Variants in NRG1 observed in about 807,000 individuals in gnomAD.
NRG1 encodes pro-neuregulin-1, membrane-bound isoform.
Under a neutral mutation model 63.8 loss-of-function variants are expected in NRG1, and 18 were observed. The ratio of observed to expected loss-of-function variants is 0.28; its 90% CI spans 0.19 to 0.42. The LOEUF is 0.42. Ranked by LOEUF, NRG1 falls within the 10% of genes least tolerant of loss-of-function variation. The pLI is 1.00. For missense variants in NRG1, 762 were observed against 814.7 expected (o/e 0.94, Z 0.79); for synonymous variants, 302 against 301.3 (o/e 1.00, Z -0.02).
intron 1 of NRG1, among the ~76,000 whole-genome samples, chr8:32,192,629 G>A (rs1417614529): frequency 6.6e-6 from 1 of 151,860 alleles, no homozygotes; most frequent in African/African-American, 2.4e-5. Context: ...TAACTATTGG[G>A]TACCATGCTC....
intron 1 of NRG1, among the ~76,000 whole-genome samples, chr8:31,928,352 T>TAAA (rs77001238): frequency 0.015 from 1,168 of 80,096 alleles, 20 homozygotes; most frequent in South Asian, 0.074. Context: ...ATGGATGTGG[T>TAAA]AAAAAAAAAA....
intron 1 of NRG1, among the ~76,000 whole-genome samples, chr8:32,345,226 A>C (rs1262425364): frequency 6.6e-6 from 1 of 152,180 alleles, no homozygotes; most frequent in Non-Finnish European, 1.5e-5. Context: ...TCCATTGTGC[A>C]AGCACTTTAT....
intron 1 of NRG1, among the ~76,000 whole-genome samples, chr8:31,858,197 G>A (rs1828112798): frequency 6.6e-6 from 1 of 152,058 alleles, no homozygotes; most frequent in Non-Finnish European, 1.5e-5. Flanking sequence ...TACTCGGGAG[G>A]CTGAGGCAGG....
chr8:32,337,116 T>C (rs1803368888), intron 1 of NRG1, among the ~76,000 whole-genome samples: 1 of 152,178 alleles, frequency 6.6e-6, no homozygotes. Flanking sequence ...CTCAAAGCTA[T>C]CCTCCTGTCT....
In NRG1 at chr8:32,440,411, G is replaced by A. The variant is rs554185182; in HGVS notation, c.38-155417G>A. ...TGGGCTCAAGTGATCTGCCCACCTC[G>A]GCCTCCCAAAATGCTGGGATTACAG... On this transcript the variant is annotated intron_variant, in intron 1 of 10. Coordinates refer to the NRG1 transcript ENST00000519301. Among the ~76,000 whole-genome samples the A allele has an allele frequency of 6.4e-4, 97 of 152,040 alleles. 1 individual carries two copies. Among genetic ancestry groups the A allele is most frequent in the Non-Finnish European group, 1.1e-3 (72 of 67,980 alleles).
Position 32,548,640 on chromosome 8 carries a change from A to G in NRG1, c.-87A>G, listed in dbSNP as rs1833432869. 1.8e-5 allele frequency: 27 copies of G among 1,466,422 alleles called. No individual in the cohort carries two copies. In the Admixed American group the frequency reaches 3.3e-4, roughly 18 times the overall value. 90.8% of individuals were successfully genotyped at this position (1,466,422 alleles called of 1,614,324 possible). ...CCGCTCGCTCTCCCCCTCGAGGGAC[A>G]AACTTTTCCCAAACCCGATCCGAGC... On this transcript the variant is annotated 5_prime_UTR_variant, in exon 1 of 12. Transcript: ENST00000356819.
At chr8:31,769,119 C>T (rs1006937075) in intron 1 of NRG1, among the ~76,000 whole-genome samples, 1 of 152,104 alleles carries the variant, frequency 6.6e-6, no homozygotes, top group African/African-American at 2.4e-5. Flanking sequence ...TCATCTATTC[C>T]CCCCAATCAT....
At chr8:31,786,650 G>A (rs1321340345) in intron 1 of NRG1, among the ~76,000 whole-genome samples, 1 of 152,188 alleles carries the variant, frequency 6.6e-6, no homozygotes, top group Non-Finnish European at 1.5e-5. Context: ...GATTAAGTTG[G>A]TAGAGTGATT....
intron 1 of NRG1, among the ~76,000 whole-genome samples, chr8:31,675,477 T>G (rs1174823504): frequency 1.3e-5 from 2 of 152,238 alleles, no homozygotes; most frequent in Non-Finnish European, 2.9e-5. Flanking sequence ...TGTCTTTGCC[T>G]AAATACTAAA....
chr8:32,470,202 A>G (rs1264710227), intron 1 of NRG1, among the ~76,000 whole-genome samples: 2 of 117,394 alleles, frequency 1.7e-5, no homozygotes, highest in Admixed American at 9.7e-5. Flanking sequence ...TTTTTTTTAC[A>G]CAGAGTCTCG....
chr8:31,884,841 C>T (rs1206135695), intron 1 of NRG1, among the ~76,000 whole-genome samples: 1 of 151,088 alleles, frequency 6.6e-6, no homozygotes, highest in Non-Finnish European at 1.5e-5. Flanking sequence ...CTGAAGAGAA[C>T]CAAAAGTAGG....
intron 1 of NRG1, among the ~76,000 whole-genome samples, chr8:31,772,650 G>C (rs1818738007): frequency 6.6e-6 from 1 of 152,092 alleles, no homozygotes. Context: ...CCTGGGATCT[G>C]GTACTGGATT....
chr8:31,660,509 T>C (rs1042439055), intron 1 of NRG1, among the ~76,000 whole-genome samples: 11 of 152,226 alleles, frequency 7.2e-5, no homozygotes, highest in Admixed American at 7.2e-4. Flanking sequence ...ATGTTGCATA[T>C]ATTATTCGTT....
At chr8:32,529,574 T>C (rs1352345107) in intron 1 of NRG1, among the ~76,000 whole-genome samples, 1 of 152,232 alleles carries the variant, frequency 6.6e-6, no homozygotes, top group Admixed American at 6.5e-5. Context: ...TCTTTCTTCA[T>C]ATTCTTATTC....
chr8:32,732,560 C>T lies in NRG1; in HGVS notation c.632+4482C>T, dbSNP rs561514919. 9.2e-5 allele frequency among the ~76,000 whole-genome samples: 14 copies of T among 152,212 alleles called. 1 individual carries two copies. In the South Asian group the frequency reaches 2.9e-3, roughly 32 times the overall value. On this transcript the variant is annotated intron_variant, in intron 6 of 11. Transcript: ENST00000356819. ...TGGTGAACAGTCTTATGTCCTTTCA[C>T]TTCAACTCTCTGGACAATATATTTA...
At chr8:32,195,870 G>C (rs1304972122) in intron 1 of NRG1, among the ~76,000 whole-genome samples, 1 of 152,154 alleles carries the variant, frequency 6.6e-6, no homozygotes, top group Admixed American at 6.5e-5. Context: ...AGTATTGCCA[G>C]TTAAGGAAGT....
At chr8:32,120,323 C>A (rs1833277043) in intron 1 of NRG1, among the ~76,000 whole-genome samples, 2 of 151,956 alleles carry the variant, frequency 1.3e-5, no homozygotes, top group East Asian at 1.9e-4. Flanking sequence ...TGGAATCATT[C>A]CACAGTCCTG....
intron 1 of NRG1, among the ~76,000 whole-genome samples, chr8:32,217,623 A>G (rs78519709): frequency 0.029 from 4,369 of 152,330 alleles, 182 homozygotes; most frequent in African/African-American, 0.099. Context: ...TGAAATTACC[A>G]GTAGGGAAGA....
intron 1 of NRG1, among the ~76,000 whole-genome samples, chr8:32,250,392 A>G (rs907772908): frequency 6.6e-6 from 1 of 152,134 alleles, no homozygotes; most frequent in Non-Finnish European, 1.5e-5. Flanking sequence ...AGTGGATCAC[A>G]GACTTTTTGC....
Sources: gnomAD v4.1 joint callset for allele counts (sites outside exome capture counted in the v4.1 genomes callset) on GRCh38, gnomAD v4.1.1 for gene constraint, MANE v1.5 for transcripts, NCBI Gene and HGNC (gene_info 2026-07-23, HGNC 2026-07-21) for gene names.